The following ACVR1C variants were observed in gnomAD, a reference collection of about 807,000 sequenced individuals.
ACVR1C encodes activin A receptor type 1C.
ACVR1C carries 23 observed loss-of-function variants against 57.9 expected under a neutral mutation model. The observed-to-expected ratio is 0.40, with a 90% confidence interval of 0.29 to 0.56. The LOEUF is 0.56. Ranked by LOEUF, ACVR1C falls within the 20% of genes least tolerant of loss-of-function variation. The pLI, the probability that ACVR1C is intolerant of heterozygous loss-of-function variation, is 0.50. For synonymous variants in ACVR1C, 214 were observed against 215.3 expected, an observed-to-expected ratio of 0.99 and a Z score of 0.05; for missense variants, 480 against 607.9, an observed-to-expected ratio of 0.79 and a Z score of 2.21.
At position 157,597,349 on chromosome 2, in the gene ACVR1C, GCT is replaced by G. The variant is rs371224486; in HGVS notation, c.74-9934_74-9933del. ...TGGCACCCCGGCCCGCCCCCGGGGA[GCT>G]CCCCTTGCCTGGACTTGCAGGTTGG... On this transcript the variant is annotated intron_variant, in intron 1 of 8. Transcript: ENST00000243349. 4 of 985,654 alleles carry G rather than the reference GCT, an allele frequency of 4.1e-6. No homozygotes were observed. The African/African-American group carries it at 7.0e-5, about 17-fold the overall frequency. The allele number at this position is 985,654 out of a possible 1,614,324, so 61.1% of individuals were successfully genotyped here.
At chr2:157,553,376 A>G (rs1381483662) in intron 3 of ACVR1C, among the ~76,000 whole-genome samples, 3 of 150,650 alleles carry the variant, frequency 2.0e-5, no homozygotes, top group Non-Finnish European at 4.4e-5. Context: ...GAAATCATCC[A>G]TGCTTGGGTA....
intron 1 of ACVR1C, among the ~76,000 whole-genome samples, chr2:157,609,930 G>A (rs1380979471): frequency 6.6e-6 from 1 of 151,978 alleles, no homozygotes; most frequent in Non-Finnish European, 1.5e-5. Flanking sequence ...TATCTTTCAA[G>A]TAGAGAATTT....
intron 7 of ACVR1C, 103 bp downstream of exon 7, chr2:157,540,986 GA>G: frequency 7.4e-7 from 1 of 1,357,554 alleles, no homozygotes; most frequent in Non-Finnish European, 1.0e-6. Flanking sequence ...TAAATACTAA[GA>G]AACTGATTGA....
chr2:157,549,022 T>C (rs577506659), intron 4 of ACVR1C, among the ~76,000 whole-genome samples: 2 of 152,282 alleles, frequency 1.3e-5, no homozygotes, highest in Admixed American at 1.3e-4. Context: ...GTTATTAAAA[T>C]ATTGAAATAT....
At position 157,587,371 on chromosome 2, in the gene ACVR1C, G is replaced by A. The variant is rs529588679; in HGVS notation, c.120C>T (p.Cys40=). The A allele has an allele frequency of 6.2e-7, 1 of 1,613,542 alleles. No individual in the cohort carries two copies. Among genetic ancestry groups the A allele is most frequent in the East Asian group, 2.2e-5 (1 of 44,874 alleles). ...CLLCDSSNFT[C]QTEGACWASV... is the part of the protein sequence containing the mutation. ...ATGCCCAACATGCTCCTTCTGTTTG[G>A]CAGGTGAAGTTTGAAGAATCACACA... The change falls in exon 2 of 9, where the codon TGC becomes TGT. Residue 40 remains cysteine (C), a synonymous_variant. Transcript: ENST00000243349.
intron 1 of ACVR1C, among the ~76,000 whole-genome samples, chr2:157,604,321 T>C (rs1046357963): frequency 2.6e-5 from 4 of 152,172 alleles, no homozygotes; most frequent in Non-Finnish European, 2.9e-5. Context: ...ATATTTTCTT[T>C]TCCTATACTT....
At chr2:157,583,998 T>A (rs550056179) in intron 2 of ACVR1C, among the ~76,000 whole-genome samples, 11 of 152,182 alleles carry the variant, frequency 7.2e-5, no homozygotes, top group South Asian at 6.2e-4. Flanking sequence ...ATAATTTTTT[T>A]AAAAAGATAA....
At position 157,529,603 on chromosome 2, in the gene ACVR1C, C is replaced by T. The variant is rs1333323568; in HGVS notation, c.*4315G>A. The T allele has an allele frequency of 1.3e-5, 2 of 151,902 alleles. No homozygotes were observed. The highest frequency in any genetic ancestry group is 2.4e-5 in the African/African-American group (1 of 41,376). The allele number at this position is 151,902 out of a possible 1,614,324, so 9.4% of individuals were successfully genotyped here. ...TTTAATCTCTGATCCTTGGTTTCGT[C>T]ATCTACACAAAATTGGAATAACTTT... On this transcript the variant is annotated 3_prime_UTR_variant, in exon 9 of 9. Transcript: ENST00000243349.
intron 1 of ACVR1C, among the ~76,000 whole-genome samples, chr2:157,611,316 C>T (rs1682527127): frequency 1.3e-5 from 2 of 152,146 alleles, no homozygotes; most frequent in Admixed American, 1.3e-4. Context: ...TCTGTGATTT[C>T]CTCAGTGAGT....
chr2:157,542,970 T>G, intron 5 of ACVR1C, 108 bp from the exon 6 acceptor site: 1 of 1,100,854 alleles, frequency 9.1e-7, no homozygotes, highest in Non-Finnish European at 1.3e-6. Context: ...AAGAGTTTTC[T>G]TCAAAGCTCT....
chr2:157,544,494 T>G lies in ACVR1C; in HGVS notation c.894A>C (p.Ser298=), dbSNP rs1687697051. ...TVAGMIKLAL[S]IASGLAHLHM... ...GAAGGTGTGCCAGACCACTAGCAAT[T>G]GAGAGCGCCAGCTTGATCATTCCAG... Residue 298 remains serine (S), a synonymous_variant, in exon 5 of 9, where the codon TCA becomes TCC. Transcript: ENST00000243349. 1 of 1,613,954 alleles carries G rather than the reference T, an allele frequency of 6.2e-7. No homozygotes were observed. The highest frequency in any genetic ancestry group is 8.5e-7 in the Non-Finnish European group (1 of 1,179,926).
chr2:157,625,529 T>C (rs1271375507), intron 1 of ACVR1C, among the ~76,000 whole-genome samples: 1 of 151,616 alleles, frequency 6.6e-6, no homozygotes, highest in Non-Finnish European at 1.5e-5. Context: ...GAGCTTTCAC[T>C]TTCACTTCCA....
At chr2:157,535,485 G>C (rs2105200128) in intron 8 of ACVR1C, among the ~76,000 whole-genome samples, 1 of 152,216 alleles carries the variant, frequency 6.6e-6, no homozygotes, top group East Asian at 1.9e-4. Context: ...TAAAAAATGA[G>C]AATGTTTTAG....
At chr2:157,573,017 G>T (rs1226772523) in intron 2 of ACVR1C, among the ~76,000 whole-genome samples, 1 of 152,122 alleles carries the variant, frequency 6.6e-6, no homozygotes, top group African/African-American at 2.4e-5. Flanking sequence ...AGAAAGTTAA[G>T]AAACAACAAT....
chr2:157,614,834 A>G (rs140280257), intron 1 of ACVR1C, among the ~76,000 whole-genome samples: 150 of 152,304 alleles, frequency 9.8e-4, no homozygotes, highest in Non-Finnish European at 1.7e-3. Context: ...TGTGCATGGT[A>G]TAATTTTTTC....
chr2:157,552,690 G>A (rs913201299), intron 3 of ACVR1C, among the ~76,000 whole-genome samples: 5 of 152,158 alleles, frequency 3.3e-5, no homozygotes, highest in African/African-American at 1.2e-4. Context: ...ATAATCAGTG[G>A]TGCAGATCAG....
At chr2:157,553,005 C>T (rs1367276939) in intron 3 of ACVR1C, among the ~76,000 whole-genome samples, 2 of 152,234 alleles carry the variant, frequency 1.3e-5, no homozygotes, top group Non-Finnish European at 2.9e-5. Flanking sequence ...CCATCTGAGA[C>T]ACCATCATTT....
chr2:157,549,295 G>T (rs1400865831), intron 4 of ACVR1C, among the ~76,000 whole-genome samples: 3 of 152,144 alleles, frequency 2.0e-5, no homozygotes, highest in Admixed American at 6.6e-5. Context: ...AACCCAGGAG[G>T]TGGAGGTTGC....
rs1688723794 is a variant in ACVR1C at position 157,578,970 on chromosome 2, CATT to C, written c.304+8214_304+8216del. 2.0e-5 allele frequency among the ~76,000 whole-genome samples: 3 copies of C among 152,204 alleles called. No homozygotes were observed. In the South Asian group the frequency reaches 6.2e-4, roughly 32 times the overall value. ...GAATTTAATGTTAAATTGAACTTAA[CATT>C]ATATTCAATTAAATTGATTAACATT... On this transcript the variant is annotated intron_variant, in intron 2 of 8. Coordinates refer to ENST00000243349, the MANE Select transcript of ACVR1C (RefSeq NM_145259.3).
Sources: allele counts gnomAD v4.1 joint callset (sites outside exome capture counted in the v4.1 genomes callset), GRCh38; gene constraint gnomAD v4.1.1; transcripts MANE v1.5; gene names NCBI Gene and HGNC (gene_info 2026-07-23, HGNC 2026-07-21).